Variants in KMT2C observed in about 807,000 individuals in gnomAD.
KMT2C encodes the protein histone-lysine N-methyltransferase 2C.
A neutral mutation model predicts 507.9 loss-of-function variants in KMT2C; 88 were observed. That is an observed-to-expected ratio of 0.17 (90% CI 0.15 to 0.21). The LOEUF (loss-of-function observed/expected upper bound fraction) is 0.21. Ranked by LOEUF, KMT2C falls within the 10% of genes least tolerant of loss-of-function variation. KMT2C has a pLI of 1.00. For synonymous variants in KMT2C, 2,049 were observed against 2,080.8 expected, an observed-to-expected ratio of 0.98 and a Z score of 0.42; for missense variants, 4,954 against 5,957.8, an observed-to-expected ratio of 0.83 and a Z score of 5.55.
rs1378585420 is a variant in KMT2C, at chr7:152,137,065, GACCCTGGGGGA to G, written c.14644-152_14644-142del. The G allele has an allele frequency of 7.8e-6, 5 of 643,830 alleles. No homozygotes were observed. The African/African-American group carries it at 9.1e-5, about 12-fold the overall frequency. 39.9% of individuals were successfully genotyped at this position (643,830 alleles called of 1,614,324 possible). A position where few individuals can be genotyped will look rare whatever the true frequency, so the allele number is the denominator to read the frequency against. On this transcript the variant is annotated intron_variant, in intron 58 of 58. Coordinates refer to ENST00000262189, the MANE Select transcript of KMT2C (RefSeq NM_170606.3). Reference sequence around the variant, plus strand: ...GACCTGATTTATTGAGGTTCCATGGGACCCTGGGGGAACCCTGAAAAGAGGCATTGTGCTTG... The same window carrying G: ...GACCTGATTTATTGAGGTTCCATGGGACCCTGAAAAGAGGCATTGTGCTTG...
At chr7:152,395,011 T>C (rs1242286282) in intron 1 of KMT2C, among the ~76,000 whole-genome samples, 1 of 152,170 alleles carries the variant, frequency 6.6e-6, no homozygotes, top group East Asian at 1.9e-4. Context: ...AATAGGGTAC[T>C]GGTAGGCAGT....
At chr7:152,337,354 A>G (rs1372581019) in intron 2 of KMT2C, among the ~76,000 whole-genome samples, 4 of 152,222 alleles carry the variant, frequency 2.6e-5, no homozygotes, top group Non-Finnish European at 5.9e-5. Flanking sequence ...TTCATTAAAT[A>G]GCATCAGCTA....
rs2129114810 is a variant in KMT2C at position 152,177,439 on chromosome 7, A to G, written c.8014T>C (p.Ser2672Pro). The change falls in exon 38 of 59, where the codon TCT becomes CCT. Residue 2672 changes from serine to proline, a missense_variant. By Grantham distance (74) the Ser-to-Pro change is moderately conservative (BLOSUM62 -1). This residue lies in a region of KMT2C where 1,689 missense variants were observed against 1,654.3 expected (regional missense o/e 1.02). Transcript: ENST00000262189. ...TGGGTGGTTATCTGTAAATTATCAG[A>G]CGTTGTTTCAGACGGTACAGATGTT... ...LSTSVPSETT[S>P]DNLQITTQPS... 2 of 1,614,130 alleles carry G rather than the reference A, an allele frequency of 1.2e-6. No individual in the cohort carries two copies. Among genetic ancestry groups the G allele is most frequent in the Non-Finnish European group, 8.5e-7 (1 of 1,179,996 alleles).
At chr7:152,312,177 AG>A (rs1162051766) in intron 4 of KMT2C, 1 of 325,010 alleles carries the variant, frequency 3.1e-6, no homozygotes, top group Non-Finnish European at 5.6e-6. Context: ...CCAAACCCAC[AG>A]GGAAGTATTA....
At chr7:152,359,276 CAG>C (rs564579762) in intron 1 of KMT2C, among the ~76,000 whole-genome samples, 20 of 121,768 alleles carry the variant, frequency 1.6e-4, no homozygotes, top group Non-Finnish European at 2.4e-4. Context: ...AAATTCCTGA[CAG>C]AAAGCAATTG....
intron 9 of KMT2C, among the ~76,000 whole-genome samples, chr7:152,253,917 T>C (rs911232338): frequency 3.9e-5 from 6 of 152,136 alleles, no homozygotes; most frequent in East Asian, 1.9e-4. Flanking sequence ...ACCCTGGGTA[T>C]CCCTGGGTGT....
At chr7:152,236,284 G>C (rs2095272305) in intron 15 of KMT2C, among the ~76,000 whole-genome samples, 1 of 152,204 alleles carries the variant, frequency 6.6e-6, no homozygotes, top group Admixed American at 6.5e-5. Context: ...TCAATATAGA[G>C]TAAGTATAAG....
At chr7:152,256,224 T>C (rs2095659480) in intron 9 of KMT2C, among the ~76,000 whole-genome samples, 1 of 152,034 alleles carries the variant, frequency 6.6e-6, no homozygotes, top group African/African-American at 2.4e-5. Flanking sequence ...TGAACTCCTC[T>C]ATACCCTCAG....
At chr7:152,279,308 T>G (rs558746964) in intron 6 of KMT2C, among the ~76,000 whole-genome samples, 205 of 152,274 alleles carry the variant, frequency 1.3e-3, no homozygotes, top group African/African-American at 4.8e-3. Flanking sequence ...ACGTGGCAAA[T>G]GTGGTCTTCA....
At position 152,222,813 on chromosome 7, in the gene KMT2C, C is replaced by T. The variant is rs560979737; in HGVS notation, c.3324-131G>A. The T allele has an allele frequency of 1.4e-4, 84 of 609,538 alleles. No homozygotes were observed. The Middle Eastern group carries it at 5.9e-3, about 43-fold the overall frequency. 37.8% of individuals were successfully genotyped at this position (609,538 alleles called of 1,614,324 possible). A position where few individuals can be genotyped will look rare whatever the true frequency, so the allele number is the denominator to read the frequency against. ...CCTCACATGCTCCTCCTACCTTGCC[C>T]TTTTCTCCTAACTATCTCTATTAAC... On this transcript the variant is annotated intron_variant, in intron 20 of 58. Coordinates refer to ENST00000262189, the MANE Select transcript of KMT2C (RefSeq NM_170606.3).
At chr7:152,182,898 AAAT>A (rs1168325862) in intron 35 of KMT2C, 73 bp downstream of exon 35, 2 of 1,074,148 alleles carry the variant, frequency 1.9e-6, no homozygotes, top group East Asian at 2.4e-5. Flanking sequence ...CTATATTCTA[AAAT>A]AATAATGCAA....
Position 152,181,189 on chromosome 7 carries a change from G to T in KMT2C, c.6671C>A (p.Thr2224Lys), listed in dbSNP as rs752494648. 6.2e-7 allele frequency: 1 copy of T among 1,614,038 alleles called. No individual in the cohort carries two copies. Among genetic ancestry groups the T allele is most frequent in the African/African-American group, 1.3e-5 (1 of 74,924 alleles). ...ISVPYSQPPA[T>K]PRPRISEGFT... ...ACCCTCTGAAATCCTTGGCCTTGGT[G>T]TTGCTGGTGGCTGAGAGTAAGGGAC... Residue 2224 changes from threonine to lysine, a missense_variant, in exon 36 of 59, where the codon ACA (threonine) becomes AAA (lysine). Physicochemically the swap from Thr to Lys is moderately conservative, Grantham distance 78 (BLOSUM62 -1). Coordinates refer to ENST00000262189, the MANE Select transcript of KMT2C (RefSeq NM_170606.3).
chr7:152,310,173 T>A, intron 5 of KMT2C, 98 bp from the exon 6 acceptor site: 1 of 763,222 alleles, frequency 1.3e-6, no homozygotes, highest in Non-Finnish European at 2.2e-6. Flanking sequence ...CTCTAATATG[T>A]AAATATACAA....
In KMT2C at chr7:152,290,270, A is replaced by G. The variant is rs1245416408; in HGVS notation, c.850-16403T>C. On this transcript the variant is annotated intron_variant, in intron 6 of 58. Transcript: ENST00000262189. ...TGTGTGTGTATGTGTATATATATAT[A>G]TATATATATATATATATATATATAT... 3.2e-3 allele frequency among the ~76,000 whole-genome samples: 70 copies of G among 22,134 alleles called. 1 individual carries two copies. The highest frequency in any genetic ancestry group is 0.015 in the African/African-American group (56 of 3,748). 14.5% of individuals were successfully genotyped at this position (22,134 alleles called of 152,430 possible). A position where few individuals can be genotyped will look rare whatever the true frequency, so the allele number is the denominator to read the frequency against.
intron 1 of KMT2C, among the ~76,000 whole-genome samples, chr7:152,423,049 C>T (rs935367060): frequency 6.6e-6 from 1 of 150,514 alleles, no homozygotes; most frequent in African/African-American, 2.4e-5. Context: ...GAAAAAAAAA[C>T]TACATTCCCA....
At chr7:152,261,947 GCA>G (rs1363463383) in intron 9 of KMT2C, among the ~76,000 whole-genome samples, 2 of 152,086 alleles carry the variant, frequency 1.3e-5, no homozygotes, top group Non-Finnish European at 2.9e-5. Flanking sequence ...CCACAGCTGA[GCA>G]CAGTTACCCA....
chr7:152,255,146 C>CATAT (rs1208910877), intron 9 of KMT2C, among the ~76,000 whole-genome samples: 3 of 63,986 alleles, frequency 4.7e-5, no homozygotes, highest in Non-Finnish European at 6.0e-5. Context: ...TATATATATA[C>CATAT]ATATATATAT....
At chr7:152,233,344 G>A (rs1189249920) in intron 16 of KMT2C, among the ~76,000 whole-genome samples, 1 of 152,068 alleles carries the variant, frequency 6.6e-6, no homozygotes, top group African/African-American at 2.4e-5. Context: ...TTATCCAGAA[G>A]GTGATAGAAA....
At position 152,356,433 on chromosome 7, in the gene KMT2C, G is replaced by A. The variant is rs187201315; in HGVS notation, c.250+2154C>T. On this transcript the variant is annotated intron_variant, in intron 2 of 58. Coordinates refer to ENST00000262189, the MANE Select transcript of KMT2C (RefSeq NM_170606.3). ...TCTACTAAAAATACAAAAATTAGCCGGGCGTGGTGGCGGGTGGCTGTAATC... is the reference window on the plus strand; with the variant it reads ...TCTACTAAAAATACAAAAATTAGCCAGGCGTGGTGGCGGGTGGCTGTAATC... 9.3e-3 allele frequency among the ~76,000 whole-genome samples: 1,413 copies of A among 151,776 alleles called. 5 individuals are homozygous for A. Among genetic ancestry groups the A allele is most frequent in the Non-Finnish European group, 0.016 (1,053 of 67,928 alleles).
Sources: gnomAD v4.1 joint callset for allele counts (sites outside exome capture counted in the v4.1 genomes callset) on GRCh38, gnomAD v4.1.1 for gene constraint, gnomAD v4.1.1 regional missense constraint, MANE v1.5 for transcripts, NCBI Gene and HGNC (gene_info 2026-07-23, HGNC 2026-07-21) for gene names.